The following KHDRBS2 variants were observed in gnomAD, a reference collection of about 807,000 sequenced individuals.
The protein encoded by KHDRBS2 is KH RNA binding domain containing, signal transduction associated 2, also known as KH domain-containing, RNA-binding, signal transduction-associated protein 2.
Under a neutral mutation model 44.3 loss-of-function variants are expected in KHDRBS2, and 26 were observed. That is an observed-to-expected ratio of 0.59 (90% confidence interval 0.43 to 0.81). KHDRBS2 has a LOEUF of 0.81. Ranked by LOEUF, KHDRBS2 falls within the 40% of genes least tolerant of loss-of-function variation. The pLI is 0.00. For missense variants in KHDRBS2, 476 were observed against 433.1 expected, an observed-to-expected ratio of 1.10 and a Z score of -0.88; for synonymous variants, 194 against 151.1, an observed-to-expected ratio of 1.28 and a Z score of -2.08.
chr6:61,895,667 T>C (rs1802806714), intron 5 of KHDRBS2, among the ~76,000 whole-genome samples: 1 of 152,164 alleles, frequency 6.6e-6, no homozygotes, highest in Non-Finnish European at 1.5e-5. Flanking sequence ...TGGTTGAGTG[T>C]TTGTCTGAAG....
chr6:61,857,028 A>G (rs1297252845), intron 6 of KHDRBS2, among the ~76,000 whole-genome samples: 1 of 152,108 alleles, frequency 6.6e-6, no homozygotes, highest in Non-Finnish European at 1.5e-5. Flanking sequence ...AATGGATTTT[A>G]AAAAAAGGAT....
In KHDRBS2 at chr6:61,682,639, C is replaced by T. The variant is rs1488379460; in HGVS notation, c.953-1579G>A. Reference sequence around the variant, plus strand: ...ATAGAGATTATACTGCTTGAAAAGCCTAAAATATTTATACTCTGGGCTTTT... The same window carrying T: ...ATAGAGATTATACTGCTTGAAAAGCTTAAAATATTTATACTCTGGGCTTTT... On this transcript the variant is annotated intron_variant, in intron 8 of 8. Coordinates refer to ENST00000281156, the MANE Select transcript of KHDRBS2 (RefSeq NM_152688.4). Among the ~76,000 whole-genome samples the T allele has an allele frequency of 3.3e-5, 5 of 151,802 alleles. No homozygotes were observed. In the East Asian group the frequency reaches 9.7e-4, roughly 30 times the overall value.
At chr6:61,544,951 G>A in the KHDRBS2 span, among the ~76,000 whole-genome samples, 5 of 151,932 alleles carry the variant, frequency 3.3e-5, no homozygotes, top group Non-Finnish European at 4.4e-5. Context: ...GAGTGGCGAG[G>A]GATAGCATTA....
chr6:62,134,133 C>G (rs1481971388), intron 2 of KHDRBS2, among the ~76,000 whole-genome samples: 2 of 152,138 alleles, frequency 1.3e-5, no homozygotes, highest in Non-Finnish European at 2.9e-5. Context: ...TTTCCAGCAG[C>G]ACCTCTTATT....
At chr6:61,663,237 C>G in the KHDRBS2 span, among the ~76,000 whole-genome samples, 1 of 100,262 alleles carries the variant, frequency 1.0e-5, no homozygotes, top group Admixed American at 1.5e-4. Flanking sequence ...ACATCACACA[C>G]CAGGGCCTGT....
intron 1 of KHDRBS2, among the ~76,000 whole-genome samples, chr6:62,263,295 T>G (rs1247457154): frequency 6.8e-6 from 1 of 146,456 alleles, no homozygotes; most frequent in Admixed American, 6.7e-5. Context: ...AATATTTTAA[T>G]GCTTTTTAAA....
In KHDRBS2 at chr6:62,102,170, G is replaced by T. The variant is rs150019980; in HGVS notation, c.220-54176C>A. ...TTATTTAATAGGACTTGAAAATTCA[G>T]GATCCTTTAAGAATAAACCCAAAGT... On this transcript the variant is annotated intron_variant, in intron 2 of 8. Transcript: ENST00000281156. Among the ~76,000 whole-genome samples the T allele has an allele frequency of 1.6e-3, 236 of 152,200 alleles. 3 individuals are homozygous for T. The highest frequency in any genetic ancestry group is 2.6e-3 in the Non-Finnish European group (174 of 68,012).
At chr6:62,056,490 A>G (rs1159066388) in intron 2 of KHDRBS2, among the ~76,000 whole-genome samples, 1 of 151,980 alleles carries the variant, frequency 6.6e-6, no homozygotes, top group African/African-American at 2.4e-5. Flanking sequence ...GAAAGACATA[A>G]GGTATTATAA....
intron 4 of KHDRBS2, among the ~76,000 whole-genome samples, chr6:61,945,809 A>G (rs1813247160): frequency 6.6e-6 from 1 of 152,184 alleles, no homozygotes; most frequent in African/African-American, 2.4e-5. Context: ...AGTAACATCA[A>G]TACATAAAGT....
At chr6:61,720,048 G>A (rs1247348224) in intron 7 of KHDRBS2, among the ~76,000 whole-genome samples, 4 of 151,924 alleles carry the variant, frequency 2.6e-5, no homozygotes, top group African/African-American at 4.8e-5. Flanking sequence ...TTGTTCTTGC[G>A]ATAGTTTACT....
At chr6:61,690,909 CAATT>C (rs1323307771) in intron 8 of KHDRBS2, among the ~76,000 whole-genome samples, 1 of 151,844 alleles carries the variant, frequency 6.6e-6, no homozygotes, top group Admixed American at 6.6e-5. Context: ...TGGATATTAC[CAATT>C]AAGATCATAG....
At chr6:61,733,240 T>C (rs1039638983) in intron 6 of KHDRBS2, among the ~76,000 whole-genome samples, 7 of 151,830 alleles carry the variant, frequency 4.6e-5, no homozygotes, top group Non-Finnish European at 1.0e-4. Flanking sequence ...TCATTACTGA[T>C]TAAATAAATA....
At chr6:61,546,378 G>T in the KHDRBS2 span, among the ~76,000 whole-genome samples, 1 of 151,916 alleles carries the variant, frequency 6.6e-6, no homozygotes, top group Non-Finnish European at 1.5e-5. Context: ...CATGCATTAG[G>T]CTCACCTGAG....
intron 6 of KHDRBS2, among the ~76,000 whole-genome samples, chr6:61,743,053 C>T (rs1384020391): frequency 6.6e-6 from 1 of 152,078 alleles, no homozygotes; most frequent in Non-Finnish European, 1.5e-5. Flanking sequence ...AAATTAATCT[C>T]TGGGGAGGCT....
chr6:61,657,163 A>G, the KHDRBS2 span, among the ~76,000 whole-genome samples: 4 of 151,936 alleles, frequency 2.6e-5, no homozygotes, highest in African/African-American at 9.7e-5. Context: ...CCTGATACCA[A>G]AGTAAGTGGC....
intron 7 of KHDRBS2, among the ~76,000 whole-genome samples, chr6:61,701,702 A>C (rs1452435019): frequency 1.3e-5 from 2 of 151,938 alleles, no homozygotes; most frequent in African/African-American, 4.8e-5. Context: ...ACAAAACAAA[A>C]CAAAACAAAA....
intron 1 of KHDRBS2, among the ~76,000 whole-genome samples, chr6:62,226,096 C>T (rs1280181402): frequency 6.6e-6 from 1 of 152,124 alleles, no homozygotes; most frequent in African/African-American, 2.4e-5. Context: ...GGTTCTAGAT[C>T]ATTGAGGAAT....
At chr6:62,224,566 G>A (rs183680612) in intron 1 of KHDRBS2, among the ~76,000 whole-genome samples, 28 of 152,176 alleles carry the variant, frequency 1.8e-4, no homozygotes, top group East Asian at 1.7e-3. Flanking sequence ...ATCATTTTTC[G>A]CACTGGCACC....
intron 5 of KHDRBS2, among the ~76,000 whole-genome samples, chr6:61,898,165 CTT>C (rs1204422038): frequency 6.6e-6 from 1 of 151,852 alleles, no homozygotes; most frequent in Non-Finnish European, 1.5e-5. Flanking sequence ...AATTAAATAA[CTT>C]CATAAAGTAA....
Sources: allele counts gnomAD v4.1 joint callset (sites outside exome capture counted in the v4.1 genomes callset), GRCh38; gene constraint gnomAD v4.1.1; transcripts MANE v1.5; gene names NCBI Gene and HGNC (gene_info 2026-07-23, HGNC 2026-07-21).